The following MDFIC variants were observed in gnomAD, a reference collection of about 807,000 sequenced individuals.
MDFIC encodes MyoD family inhibitor domain containing, also known as myoD family inhibitor domain-containing protein.
MDFIC carries 17 observed loss-of-function variants against 23.2 expected under a neutral mutation model. That is an observed-to-expected ratio of 0.73 (90% CI 0.50 to 1.10). The LOEUF (loss-of-function observed/expected upper bound fraction) is 1.10. Among genes scored for constraint, MDFIC ranks in the 50% least tolerant of loss-of-function variants. MDFIC has a pLI of 0.00. For missense variants in MDFIC, 356 were observed against 316.6 expected (o/e 1.12, Z -0.95); for synonymous variants, 120 against 115.2 (o/e 1.04, Z -0.27).
At chr7:114,998,273 A>G (rs1304289021) in intron 4 of MDFIC, among the ~76,000 whole-genome samples, 3 of 152,222 alleles carry the variant, frequency 2.0e-5, no homozygotes, top group South Asian at 2.1e-4. Flanking sequence ...TTCATTGAAT[A>G]TAGCTTTCAA....
intron 3 of MDFIC, among the ~76,000 whole-genome samples, chr7:114,942,626 T>TTCTCAGAGTTCAA (rs1478562283): frequency 6.6e-6 from 1 of 152,208 alleles, no homozygotes; most frequent in Non-Finnish European, 1.5e-5. Context: ...TATTGAACTC[T>TTCTCAGAGTTCAA]TCTCAGAGAG....
At chr7:115,012,661 G>A (rs1791703274) in intron 4 of MDFIC, among the ~76,000 whole-genome samples, 1 of 152,090 alleles carries the variant, frequency 6.6e-6, no homozygotes, top group South Asian at 2.1e-4. Flanking sequence ...CAAAAACACT[G>A]ATGATGACCA....
intron 4 of MDFIC, among the ~76,000 whole-genome samples, chr7:114,980,978 T>C (rs545339191): frequency 6.6e-6 from 1 of 152,324 alleles, no homozygotes; most frequent in South Asian, 2.1e-4. Flanking sequence ...TCAGTGACAC[T>C]ACTTTCCAAA....
chr7:114,991,780 A>G (rs1213271575), intron 4 of MDFIC, among the ~76,000 whole-genome samples: 2 of 152,066 alleles, frequency 1.3e-5, no homozygotes, highest in African/African-American at 4.8e-5. Flanking sequence ...AACTCAGGTA[A>G]CGTGATGCCT....
rs766747065 is a variant in MDFIC at position 114,923,039 on chromosome 7, C to A, written c.6C>A (p.Ser2=). The A allele has an allele frequency of 8.0e-6, 11 of 1,368,360 alleles. No individual in the cohort carries two copies. The highest frequency in any genetic ancestry group is 9.4e-6 in the Non-Finnish European group (10 of 1,063,200). 84.8% of individuals were successfully genotyped at this position (1,368,360 alleles called of 1,614,324 possible). ...CGGGCTCGGCGGAGCGGCCCATGTC[C>A]GGCGCGGGCGAAGCCCTCGCTCCCG... M[S]GAGEALAPGP... is the part of the protein sequence containing the mutation. Residue 2 remains serine, a synonymous_variant, in exon 2 of 5, where the codon TCC becomes TCA. Transcript: ENST00000393486.
At position 114,973,101 on chromosome 7, in the gene MDFIC, GTATA is replaced by G. The variant is rs61549771; in HGVS notation, c.218-6387_218-6384del. On this transcript the variant is annotated intron_variant, in intron 3 of 4. Coordinates refer to ENST00000393486, the MANE Select transcript of MDFIC (RefSeq NM_001166345.3). ...GGCAGTTTATGTATCGTGTGTGTGTGTATATATATATATATATATATGAATATAT... is the reference window on the plus strand; with the variant it reads ...GGCAGTTTATGTATCGTGTGTGTGTGTATATATATATATATATGAATATAT... Among the ~76,000 whole-genome samples the G allele has an allele frequency of 5.5e-3, 807 of 147,490 alleles. 5 individuals carry two copies. Among genetic ancestry groups the G allele is most frequent in the Admixed American group, 7.6e-3 (111 of 14,596 alleles).
intron 4 of MDFIC, among the ~76,000 whole-genome samples, chr7:114,999,319 G>C (rs1791410676): frequency 6.6e-6 from 1 of 151,736 alleles, no homozygotes; most frequent in Admixed American, 6.6e-5. Context: ...CAAACACCCG[G>C]AACTTTTCAA....
At chr7:115,004,281 C>A (rs1267907269) in intron 4 of MDFIC, among the ~76,000 whole-genome samples, 1 of 152,170 alleles carries the variant, frequency 6.6e-6, no homozygotes. Context: ...TACTATGTAA[C>A]ACTCCTTGCT....
intron 4 of MDFIC, among the ~76,000 whole-genome samples, chr7:114,992,497 A>G (rs940244639): frequency 2.6e-5 from 4 of 152,186 alleles, no homozygotes; most frequent in African/African-American, 9.7e-5. Context: ...TGTCATAAAT[A>G]GCTCTTATTA....
chr7:114,923,779 T>A (rs1402904319), intron 2 of MDFIC: 12 of 666,692 alleles, frequency 1.8e-5, no homozygotes, highest in Non-Finnish European at 2.4e-5. Context: ...GAACCTTTCT[T>A]CTCTTGAAGG....
At chr7:114,964,184 C>A (rs1313775658) in intron 3 of MDFIC, among the ~76,000 whole-genome samples, 2 of 152,078 alleles carry the variant, frequency 1.3e-5, no homozygotes, top group Non-Finnish European at 2.9e-5. Flanking sequence ...ATACATTTGA[C>A]ATTGTCATTT....
At chr7:115,001,909 G>A (rs888494399) in intron 4 of MDFIC, among the ~76,000 whole-genome samples, 15 of 152,296 alleles carry the variant, frequency 9.8e-5, no homozygotes, top group African/African-American at 2.9e-4. Flanking sequence ...GGCCAATGGG[G>A]ACAGATCACC....
rs1791862369 is a variant in MDFIC, at chr7:115,019,608, A to G, written c.*3673A>G. On this transcript the variant is annotated 3_prime_UTR_variant, in exon 5 of 5. Transcript: ENST00000393486. Reference sequence around the variant, plus strand: ...ATGAATCAGGTTATTTGTTAATAAGATTATTTTTCAAATTATTTAAGACCT... The same window carrying G: ...ATGAATCAGGTTATTTGTTAATAAGGTTATTTTTCAAATTATTTAAGACCT... Among the ~76,000 whole-genome samples, 1 of 152,124 alleles carries G rather than the reference A, an allele frequency of 6.6e-6. No homozygotes were observed. The highest frequency in any genetic ancestry group is 2.1e-4 in the South Asian group (1 of 4,832).
chr7:114,993,653 G>A (rs1281760013), intron 4 of MDFIC, among the ~76,000 whole-genome samples: 1 of 152,208 alleles, frequency 6.6e-6, no homozygotes, highest in Non-Finnish European at 1.5e-5. Context: ...ATGTAGTTGA[G>A]TGGTTTTGAG....
chr7:115,018,519 T>C lies in MDFIC; in HGVS notation c.*2584T>C, dbSNP rs1791840808. 1 of 152,364 alleles carries C rather than the reference T, an allele frequency of 6.6e-6. No individual in the cohort carries two copies. The highest frequency in any genetic ancestry group is 6.6e-5 in the Admixed American group (1 of 15,252). The allele number at this position is 152,364 out of a possible 1,614,324, so 9.4% of individuals were successfully genotyped here. On this transcript the variant is annotated 3_prime_UTR_variant, in exon 5 of 5. Coordinates refer to ENST00000393486, the MANE Select transcript of MDFIC (RefSeq NM_001166345.3). ...GTTATTCCATAAAGCATTTGTATAA[T>C]TAAAAGGAAAACAGAAAAAGGAAAA...
At chr7:114,940,270 C>G (rs987872141) in intron 2 of MDFIC, among the ~76,000 whole-genome samples, 4 of 152,170 alleles carry the variant, frequency 2.6e-5, no homozygotes, top group African/African-American at 9.6e-5. Context: ...TGGACTCGGT[C>G]CCAAGTGGGT....
At chr7:114,997,907 A>G (rs1257282819) in intron 4 of MDFIC, among the ~76,000 whole-genome samples, 1 of 152,214 alleles carries the variant, frequency 6.6e-6, no homozygotes, top group Non-Finnish European at 1.5e-5. Flanking sequence ...TGTCTTACAC[A>G]TATGAGGCAC....
chr7:114,968,650 C>T (rs1385210332), intron 3 of MDFIC, among the ~76,000 whole-genome samples: 4 of 152,238 alleles, frequency 2.6e-5, no homozygotes, highest in Non-Finnish European at 5.9e-5. Flanking sequence ...CAAATTATGT[C>T]AGACAGAGGT....
At chr7:114,989,528 G>T (rs1793569456) in intron 4 of MDFIC, among the ~76,000 whole-genome samples, 1 of 152,176 alleles carries the variant, frequency 6.6e-6, no homozygotes, top group Non-Finnish European at 1.5e-5. Flanking sequence ...GAAGATATGA[G>T]AAGGCAATAA....
Sources: gnomAD v4.1 joint callset for allele counts (sites outside exome capture counted in the v4.1 genomes callset) on GRCh38, gnomAD v4.1.1 for gene constraint, MANE v1.5 for transcripts, NCBI Gene and HGNC (gene_info 2026-07-23, HGNC 2026-07-21) for gene names.